SLC38A6: variants seen among roughly 807,000 people sequenced by gnomAD.
SLC38A6 encodes N system amino acid transporter NAT-1.
In SLC38A6, 73 loss-of-function variants were observed where a neutral mutation model predicts 65.0. The observed-to-expected ratio is 1.12, with a 90% CI of 0.93 to 1.37. The LOEUF (loss-of-function observed/expected upper bound fraction) is 1.37. Among genes scored for constraint, SLC38A6 ranks in the 40% most tolerant of loss-of-function variants. The pLI is 0.00. For synonymous variants in SLC38A6, 183 were observed against 178.8 expected, an observed-to-expected ratio of 1.02 and a Z score of -0.19; for missense variants, 561 against 531.1, an observed-to-expected ratio of 1.06 and a Z score of -0.55.
chr14:61,083,727 T>G, downstream of SLC38A6: 2 of 1,545,548 alleles, frequency 1.3e-6, no homozygotes, highest in Non-Finnish European at 1.7e-6. Context: ...TGTTGTTTAA[T>G]CACCCAGTTT....
At chr14:60,992,601 C>A (rs997231598) in intron 3 of SLC38A6, among the ~76,000 whole-genome samples, 1 of 152,116 alleles carries the variant, frequency 6.6e-6, no homozygotes, top group Non-Finnish European at 1.5e-5. Flanking sequence ...GTATTCTACT[C>A]AGTGAACATA....
rs772328254 is a variant in SLC38A6, at chr14:61,019,543, G to A, written c.366G>A (p.Leu122=). ...TGAATATTTCTGTTCTTTTACAGTT[G>A]GTGGTGGCAGGCACCATAATAATTC... The part of the protein sequence containing the change: ...GLFAFGLPGK[L]VVAGTIIIQN... Residue 122 remains leucine, a splice_region_variant and synonymous_variant, in exon 5 of 16, where the codon TTG becomes TTA. Transcript: ENST00000267488. 6.2e-7 allele frequency: 1 copy of A among 1,613,016 alleles called. No individual in the cohort carries two copies. The highest frequency in any genetic ancestry group is 8.5e-7 in the Non-Finnish European group (1 of 1,179,276).
intron 15 of SLC38A6, among the ~76,000 whole-genome samples, chr14:61,075,777 T>TTG (rs57421102): frequency 0.024 from 2,913 of 123,268 alleles, 45 homozygotes; most frequent in African/African-American, 0.029. Context: ...ATCAACCTGT[T>TTG]TGTGTGTGTG....
At position 60,984,737 on chromosome 14, in the gene SLC38A6, C is replaced by G. The variant is rs2139674920; in HGVS notation, c.244C>G (p.Leu82Val). The G allele has an allele frequency of 6.2e-6, 10 of 1,613,932 alleles. No homozygotes were observed. The highest frequency in any genetic ancestry group is 2.2e-5 in the East Asian group (1 of 44,842). ...TGTTCTTTTATGTTTTAGCTTCTTG[C>G]TGCTGACAGTTGCTCTCCTGGCTTC... ...NTGVFGFSFL[L>V]LTVALLASYS... The change falls in exon 3 of 16, where the codon CTG (leucine) becomes GTG (valine). Residue 82 changes from leucine to valine, a missense_variant. Transcript: ENST00000267488.
intron 6 of SLC38A6, among the ~76,000 whole-genome samples, chr14:61,033,400 A>C (rs1232378657): frequency 6.6e-6 from 1 of 152,048 alleles, no homozygotes; most frequent in African/African-American, 2.4e-5. Flanking sequence ...AGATCAAACA[A>C]GTTCTCTAGG....
intron 6 of SLC38A6, among the ~76,000 whole-genome samples, chr14:61,033,778 G>A (rs2041160786): frequency 6.6e-6 from 1 of 152,074 alleles, no homozygotes. Context: ...GTAAAGAAAA[G>A]CACTGTATTT....
chr14:61,077,623 G>T (rs1317845374), intron 15 of SLC38A6, among the ~76,000 whole-genome samples: 1 of 151,982 alleles, frequency 6.6e-6, no homozygotes, highest in Non-Finnish European at 1.5e-5. Flanking sequence ...CCTTGTCTTT[G>T]TCTAAAGATT....
Position 61,074,068 on chromosome 14 carries a change from G to A in SLC38A6, c.1291-4742G>A, listed in dbSNP as rs900495467. 2.0e-5 allele frequency: 3 copies of A among 152,094 alleles called. No individual in the cohort carries two copies. The South Asian group carries it at 6.2e-4, about 31-fold the overall frequency. 9.4% of individuals were successfully genotyped at this position (152,094 alleles called of 1,614,324 possible). ...AATGTGTGTTAATCAACTGTTATTG[G>A]TAGGGCTTACAGTCAACAGTAGGCT... On this transcript the variant is annotated intron_variant, in intron 15 of 16. Transcript: ENST00000354886.
intron 16 of SLC38A6, among the ~76,000 whole-genome samples, chr14:61,081,463 T>G (rs764017362): frequency 6.6e-6 from 1 of 152,166 alleles, no homozygotes; most frequent in East Asian, 1.9e-4. Context: ...GGTGGTTAGA[T>G]CACCAGAGGT....
chr14:60,994,121 C>CA (rs1404387597), intron 3 of SLC38A6, among the ~76,000 whole-genome samples: 5 of 152,192 alleles, frequency 3.3e-5, no homozygotes, highest in Non-Finnish European at 4.4e-5. Context: ...TATTTCTACA[C>CA]AAAAACCTCC....
chr14:61,000,962 G>A (rs1051260746), intron 3 of SLC38A6, among the ~76,000 whole-genome samples: 1 of 152,160 alleles, frequency 6.6e-6, no homozygotes, highest in Non-Finnish European at 1.5e-5. Flanking sequence ...ACTATATTTT[G>A]ATGTGTTTTT....
chr14:61,006,449 TA>T (rs2039126455), intron 3 of SLC38A6, among the ~76,000 whole-genome samples: 1 of 151,958 alleles, frequency 6.6e-6, no homozygotes, highest in Admixed American at 6.6e-5. Flanking sequence ...GGCTAATATC[TA>T]GAATCTACAA....
chr14:61,041,964 T>A (rs2041843532), intron 8 of SLC38A6, among the ~76,000 whole-genome samples: 1 of 152,096 alleles, frequency 6.6e-6, no homozygotes, highest in African/African-American at 2.4e-5. Flanking sequence ...TCATCGTTTT[T>A]TTTTGTTGTT....
At position 61,003,387 on chromosome 14, in the gene SLC38A6, C is replaced by T. The variant is rs150310462; in HGVS notation, c.311-12517C>T. Among the ~76,000 whole-genome samples the T allele has an allele frequency of 4.5e-3, 688 of 152,150 alleles. 1 individual carries two copies. The highest frequency in any genetic ancestry group is 0.016 in the African/African-American group (660 of 41,518). ...ATACCTACCATAATTTATGTAACCA[C>T]TTTCTCATTGTTGAGCATTTAGGTT... On this transcript the variant is annotated intron_variant, in intron 3 of 15. Transcript: ENST00000267488.
At chr14:61,019,518 T>C in intron 4 of SLC38A6, 23 bp from the exon 5 acceptor site, 1 of 1,611,672 alleles carries the variant, frequency 6.2e-7, no homozygotes, top group East Asian at 2.2e-5. Flanking sequence ...TTCTATCTTC[T>C]GAATATTTCT....
At chr14:60,998,500 C>T (rs2038452336) in intron 3 of SLC38A6, among the ~76,000 whole-genome samples, 1 of 152,116 alleles carries the variant, frequency 6.6e-6, no homozygotes, top group Non-Finnish European at 1.5e-5. Flanking sequence ...CTTTCCAGCT[C>T]CCCATCCATC....
intron 4 of SLC38A6, among the ~76,000 whole-genome samples, chr14:61,017,754 T>C (rs2040105034): frequency 6.6e-6 from 1 of 152,206 alleles, no homozygotes; most frequent in Non-Finnish European, 1.5e-5. Flanking sequence ...TGTGTTGTCA[T>C]TTTAATACAT....
chr14:61,081,635 A>G (rs1194876271), intron 16 of SLC38A6, among the ~76,000 whole-genome samples: 1 of 151,912 alleles, frequency 6.6e-6, no homozygotes, highest in African/African-American at 2.4e-5. Context: ...CAGTAAGCCA[A>G]TACCCGCCAC....
At chr14:61,045,271 A>C in intron 10 of SLC38A6, 75 bp from the exon 11 acceptor site, 1 of 923,598 alleles carries the variant, frequency 1.1e-6, no homozygotes, top group Non-Finnish European at 1.7e-6. Context: ...TAAAGAACTG[A>C]GTTTGTTGTC....
Sources: allele counts gnomAD v4.1 joint callset (sites outside exome capture counted in the v4.1 genomes callset), GRCh38; gene constraint gnomAD v4.1.1; transcripts MANE v1.5; gene names NCBI Gene and HGNC (gene_info 2026-07-23, HGNC 2026-07-21).